The following PMM2 variants were observed in gnomAD, a reference collection of about 807,000 sequenced individuals.
PMM2 encodes phosphomannomutase 2, also known as mannose-6-phosphate isomerase.
Under a neutral mutation model 33.2 loss-of-function variants are expected in PMM2, and 35 were observed. The ratio of observed to expected loss-of-function variants is 1.06; its 90% CI spans 0.81 to 1.40. The LOEUF (loss-of-function observed/expected upper bound fraction) is 1.40. PMM2 is among the 40% of genes most tolerant of loss of function. The pLI is 0.00. For missense variants in PMM2, 386 were observed against 306.0 expected (o/e 1.26, Z -1.95); for synonymous variants, 153 against 114.7 (o/e 1.33, Z -2.13).
At chr16:8,823,539 G>C (rs895954151) in intron 7 of PMM2, among the ~76,000 whole-genome samples, 1 of 152,148 alleles carries the variant, frequency 6.6e-6, no homozygotes, top group African/African-American at 2.4e-5. Flanking sequence ...GTCTTATTAA[G>C]CTTGGCCTGA....
chr16:8,830,258 G>GGA (rs1443258680), intron 7 of PMM2, among the ~76,000 whole-genome samples: 1 of 152,190 alleles, frequency 6.6e-6, no homozygotes, highest in Non-Finnish European at 1.5e-5. Context: ...TAGCCACAAG[G>GGA]GAGATCACAG....
chr16:8,845,953 C>G (rs1345634273), intron 7 of PMM2, among the ~76,000 whole-genome samples: 1 of 152,140 alleles, frequency 6.6e-6, no homozygotes, highest in Admixed American at 6.6e-5. Flanking sequence ...AAAAAAAAGG[C>G]AAAATCAGAA....
intron 7 of PMM2, among the ~76,000 whole-genome samples, chr16:8,837,306 G>A (rs146447633): frequency 0.03 from 4,561 of 152,052 alleles, 265 homozygotes; most frequent in African/African-American, 0.1. Flanking sequence ...TGAAAGTGCC[G>A]TTTTCTGGCT....
intron 4 of PMM2, chr16:8,810,784 C>A: frequency 2.4e-6 from 1 of 423,500 alleles, no homozygotes; most frequent in South Asian, 2.2e-5. Context: ...GCCATGTTGT[C>A]CAGGCTCAAA....
intron 7 of PMM2, among the ~76,000 whole-genome samples, chr16:8,823,475 T>C (rs191147698): frequency 3.9e-5 from 6 of 152,330 alleles, no homozygotes; most frequent in African/African-American, 1.4e-4. Flanking sequence ...CCCATCCTTA[T>C]TTTTATTAAA....
At chr16:8,827,949 ATATATTTATAAATT>A (rs2060787109) in intron 7 of PMM2, among the ~76,000 whole-genome samples, 1 of 116,922 alleles carries the variant, frequency 8.6e-6, no homozygotes, top group Non-Finnish European at 1.7e-5. Flanking sequence ...TTATAAATAT[ATATATTTATAAATT>A]TATATATATA....
At chr16:8,836,541 T>C (rs1018375113) in intron 7 of PMM2, among the ~76,000 whole-genome samples, 2 of 151,968 alleles carry the variant, frequency 1.3e-5, no homozygotes, top group Non-Finnish European at 1.5e-5. Context: ...GTTTGGAAGT[T>C]CTTGTGTGCT....
chr16:8,825,974 T>C (rs1447876725), intron 7 of PMM2, among the ~76,000 whole-genome samples: 2 of 152,118 alleles, frequency 1.3e-5, no homozygotes, highest in Admixed American at 1.3e-4. Flanking sequence ...CAGGCTGGTT[T>C]CGAACTTCTG....
intron 7 of PMM2, among the ~76,000 whole-genome samples, chr16:8,831,583 C>T (rs1221709359): frequency 6.6e-6 from 1 of 152,166 alleles, no homozygotes; most frequent in Non-Finnish European, 1.5e-5. Flanking sequence ...TCCATCTGTG[C>T]TATAGGAGGC....
intron 7 of PMM2, among the ~76,000 whole-genome samples, chr16:8,831,702 G>A (rs1250580731): frequency 2.0e-5 from 3 of 152,164 alleles, no homozygotes; most frequent in Admixed American, 6.6e-5. Context: ...ACACTGCACA[G>A]GTCAGCAACA....
At chr16:8,798,069 G>T (rs1200151045) in intron 1 of PMM2, 121 bp downstream of exon 1, 1 of 919,322 alleles carries the variant, frequency 1.1e-6, no homozygotes, top group African/African-American at 1.6e-5. Context: ...CGTCCTCACG[G>T]CGCTGAACCC....
chr16:8,802,022 T>A (rs2060619560), intron 2 of PMM2, 112 bp downstream of exon 2: 1 of 746,176 alleles, frequency 1.3e-6, no homozygotes, highest in Admixed American at 2.0e-5. Flanking sequence ...GCGGGCTTTC[T>A]GCTTCCTTTT....
chr16:8,827,719 C>CATATATATAT (rs60052078), intron 7 of PMM2, among the ~76,000 whole-genome samples: 22 of 66,876 alleles, frequency 3.3e-4, no homozygotes, highest in Admixed American at 6.7e-4. Context: ...TAAATGTGTG[C>CATATATATAT]ATATATATAT....
At chr16:8,840,713 TGGAACG>T (rs147209398) in intron 7 of PMM2, among the ~76,000 whole-genome samples, 4,484 of 152,102 alleles carry the variant, frequency 0.029, 221 homozygotes, top group African/African-American at 0.1. Context: ...AGCTTTATTC[TGGAACG>T]GTGAGCCTAG....
At chr16:8,834,279 T>G (rs4511531) in intron 7 of PMM2, among the ~76,000 whole-genome samples, 140,960 of 151,884 alleles carry the variant, frequency 0.93, 65,639 homozygotes, top group East Asian at 0.97. Flanking sequence ...GATTGAGGAC[T>G]GTAAGGGATA....
chr16:8,839,307 C>G (rs1056512947), intron 7 of PMM2, among the ~76,000 whole-genome samples: 1 of 151,826 alleles, frequency 6.6e-6, no homozygotes, highest in Non-Finnish European at 1.5e-5. Context: ...AAGAAGAGAC[C>G]TTGTGCGAGG....
chr16:8,847,438 A>G (rs2141051125), intron 7 of PMM2, among the ~76,000 whole-genome samples: 1 of 147,158 alleles, frequency 6.8e-6, no homozygotes, highest in African/African-American at 2.5e-5. Flanking sequence ...CCTTCTGTGT[A>G]GAAAAATAAG....
At chr16:8,847,338 A>T (rs1424840013) in intron 7 of PMM2, among the ~76,000 whole-genome samples, 1 of 149,290 alleles carries the variant, frequency 6.7e-6, no homozygotes, top group Non-Finnish European at 1.5e-5. Context: ...TGCCCTCCTG[A>T]CGCTCCCTTG....
intron 7 of PMM2, among the ~76,000 whole-genome samples, chr16:8,831,922 C>G (rs75594386): frequency 3.5e-4 from 54 of 152,278 alleles, no homozygotes; most frequent in African/African-American, 1.2e-3. Flanking sequence ...TTCCCTCCCC[C>G]CTTCCCTCCC....
Sources: allele counts gnomAD v4.1 joint callset (sites outside exome capture counted in the v4.1 genomes callset), GRCh38; gene constraint gnomAD v4.1.1; transcripts MANE v1.5; gene names NCBI Gene and HGNC (gene_info 2026-07-23, HGNC 2026-07-21).